Variants in KAZN observed in about 807,000 individuals in gnomAD.
The protein encoded by KAZN is kazrin, periplakin interacting protein.
Under a neutral mutation model 87.4 loss-of-function variants are expected in KAZN, and 40 were observed. The observed-to-expected ratio is 0.46, with a 90% CI of 0.36 to 0.60. The LOEUF is 0.60. Among genes scored for constraint, KAZN ranks in the 20% least tolerant of loss-of-function variants. The pLI is 0.00. For missense variants in KAZN, 898 were observed against 1,073.9 expected, an observed-to-expected ratio of 0.84 and a Z score of 2.29; for synonymous variants, 466 against 458.3, an observed-to-expected ratio of 1.02 and a Z score of -0.22.
At position 15,101,754 on chromosome 1, in the gene KAZN, C is replaced by G. The variant is rs1641078169; in HGVS notation, c.1759C>G (p.Gln587Glu). Residue 587 changes from glutamine to glutamate, a missense_variant, in exon 11 of 15, where the codon CAA becomes GAA. Around this residue, in one of 3 missense-constraint regions of KAZN, gnomAD observed 521 missense variants for 689.4 expected, o/e 0.76. Transcript: ENST00000376030. The part of the protein sequence containing the change: ...SILLGIELLY[Q>E]VNFSREALQE... The stretch of plus-strand genomic sequence containing the variant: ...CCTGCTGGGGATCGAGCTGCTGTAC[C>G]AAGTGAACTTCAGCAGGGAGGTGAG... 1 of 1,581,726 alleles carries G rather than the reference C, an allele frequency of 6.3e-7. No homozygotes were observed. The highest frequency in any genetic ancestry group is 8.6e-7 in the Non-Finnish European group (1 of 1,163,494).
chr1:14,133,548 G>T (rs1191672217), intron 1 of KAZN, among the ~76,000 whole-genome samples: 1 of 152,138 alleles, frequency 6.6e-6, no homozygotes, highest in African/African-American at 2.4e-5. Flanking sequence ...GGCTTGCCCA[G>T]TGTCTTTTCT....
chr1:14,662,659 G>T (rs1193757672), intron 1 of KAZN, among the ~76,000 whole-genome samples: 1 of 151,740 alleles, frequency 6.6e-6, no homozygotes, highest in Non-Finnish European at 1.5e-5. Flanking sequence ...GGGTGTGTGT[G>T]AGTGTGTGTG....
chr1:14,363,655 G>C (rs900703609), intron 2 of KAZN, among the ~76,000 whole-genome samples: 17 of 152,164 alleles, frequency 1.1e-4, no homozygotes, highest in African/African-American at 4.1e-4. Flanking sequence ...GCCAAATCCA[G>C]CCAGCAGCTG....
upstream of KAZN, among the ~76,000 whole-genome samples, chr1:14,594,462 C>T (rs541817774): frequency 2.2e-4 from 34 of 152,150 alleles, no homozygotes; most frequent in African/African-American, 2.4e-5. Flanking sequence ...AGGCTGGTGA[C>T]CACATATGAG....
rs181020801 is a variant in KAZN at position 14,204,130 on chromosome 1, G to T, written c.249+23538G>T. Among the ~76,000 whole-genome samples the T allele has an allele frequency of 4.6e-5, 7 of 152,342 alleles. No individual in the cohort carries two copies. The South Asian group carries it at 6.2e-4, about 14-fold the overall frequency. ...GAAGTAGGATAGTGCAGTTAAGACT[G>T]GTTGACCCGTTCTTTGAAAATCTTC... is the stretch of plus-strand genomic sequence containing the variant. On this transcript the variant is annotated intron_variant, in intron 2 of 16. Coordinates refer to the KAZN transcript ENST00000636203.
intron 1 of KAZN, among the ~76,000 whole-genome samples, chr1:14,639,858 C>T (rs1310729293): frequency 2.0e-5 from 3 of 152,104 alleles, no homozygotes; most frequent in Non-Finnish European, 4.4e-5. Flanking sequence ...CAGGGCTCCT[C>T]GTCTCCATCG....
intron 2 of KAZN, among the ~76,000 whole-genome samples, chr1:14,235,132 A>G (rs1648280738): frequency 6.6e-6 from 1 of 152,242 alleles, no homozygotes; most frequent in Non-Finnish European, 1.5e-5. Flanking sequence ...GTGGAAACAA[A>G]AATGACATCA....
intron 1 of KAZN, among the ~76,000 whole-genome samples, chr1:14,921,004 G>A (rs1026838901): frequency 1.3e-5 from 2 of 152,082 alleles, no homozygotes; most frequent in Non-Finnish European, 2.9e-5. Context: ...AACTGCCACC[G>A]TGGCCACAGA....
intron 1 of KAZN, among the ~76,000 whole-genome samples, chr1:14,888,383 A>G (rs1217688615): frequency 6.6e-6 from 1 of 152,128 alleles, no homozygotes; most frequent in Non-Finnish European, 1.5e-5. Flanking sequence ...GGGCTTCAGG[A>G]AAGAGAGAGG....
intron 1 of KAZN, among the ~76,000 whole-genome samples, chr1:14,866,728 T>TA (rs759670565): frequency 1.4e-3 from 213 of 150,794 alleles, no homozygotes; most frequent in African/African-American, 4.9e-3. Context: ...CTGTGTCTCT[T>TA]AAAAAAAAAA....
chr1:13,943,468 A>G (rs902493337), intron 1 of KAZN, among the ~76,000 whole-genome samples: 88 of 152,244 alleles, frequency 5.8e-4, no homozygotes, highest in African/African-American at 2.0e-3. Context: ...TAAAAAAAAT[A>G]ATAACCACCT....
chr1:14,290,794 G>A (rs2100745369), intron 2 of KAZN, among the ~76,000 whole-genome samples: 1 of 152,288 alleles, frequency 6.6e-6, no homozygotes, highest in Admixed American at 6.5e-5. Context: ...TTCTGCTCTG[G>A]TTTCTCCCCA....
intron 1 of KAZN, among the ~76,000 whole-genome samples, chr1:14,710,837 C>G (rs1039588218): frequency 6.6e-6 from 1 of 152,182 alleles, no homozygotes; most frequent in African/African-American, 2.4e-5. Flanking sequence ...ATGTTCTGCT[C>G]TATTCCCAGG....
chr1:14,666,536 C>T (rs12239295), intron 1 of KAZN, among the ~76,000 whole-genome samples: 2 of 152,100 alleles, frequency 1.3e-5, no homozygotes, highest in Admixed American at 1.3e-4. Context: ...GGCAGCAGAA[C>T]GTTACTGTGT....
intron 1 of KAZN, among the ~76,000 whole-genome samples, chr1:14,704,629 C>T (rs1190409549): frequency 1.3e-5 from 2 of 152,168 alleles, no homozygotes; most frequent in Admixed American, 6.5e-5. Flanking sequence ...CATGACATCA[C>T]GGGCTTCAGG....
At chr1:15,093,256 G>A (rs768655270) in intron 8 of KAZN, among the ~76,000 whole-genome samples, 7 of 152,060 alleles carry the variant, frequency 4.6e-5, no homozygotes, top group Admixed American at 3.3e-4. Flanking sequence ...GTAAGCAAGC[G>A]GGTCTGTGTG....
At position 14,384,158 on chromosome 1, in the gene KAZN, T is replaced by C. The variant is rs538260775; in HGVS notation, c.249+203566T>C. Among the ~76,000 whole-genome samples the C allele has an allele frequency of 5.2e-3, 775 of 150,380 alleles. 8 individuals are homozygous for C. The highest frequency in any genetic ancestry group is 0.018 in the African/African-American group (740 of 41,186). On this transcript the variant is annotated intron_variant, in intron 2 of 16. Coordinates refer to the KAZN transcript ENST00000636203. ...TAAGAATGCTTGTGATTTTTGTACA[T>C]TGATTTTGTATCCTGAGACTTTGCT...
chr1:14,324,322 T>C (rs1410086766), intron 2 of KAZN, among the ~76,000 whole-genome samples: 1 of 152,232 alleles, frequency 6.6e-6, no homozygotes, highest in African/African-American at 2.4e-5. Flanking sequence ...ATTAGCTACT[T>C]GTGCTGCAGT....
chr1:14,289,910 G>A (rs1018981345), intron 2 of KAZN, among the ~76,000 whole-genome samples: 1 of 151,922 alleles, frequency 6.6e-6, no homozygotes, highest in African/African-American at 2.4e-5. Context: ...TGTTTGTAAA[G>A]CATTTTATTT....
Sources: gnomAD v4.1 joint callset for allele counts (sites outside exome capture counted in the v4.1 genomes callset) on GRCh38, gnomAD v4.1.1 for gene constraint, gnomAD v4.1.1 regional missense constraint, MANE v1.5 for transcripts, NCBI Gene and HGNC (gene_info 2026-07-23, HGNC 2026-07-21) for gene names.